The following ADAMTSL1 variants were observed in gnomAD, a reference collection of about 807,000 sequenced individuals.
The protein encoded by ADAMTSL1 is ADAMTS-like protein 1.
ADAMTSL1 carries 126 observed loss-of-function variants against 201.8 expected under a neutral mutation model. That is an observed-to-expected ratio of 0.62 (90% CI 0.54 to 0.72). ADAMTSL1 has a LOEUF of 0.72. ADAMTSL1 is among the 30% of genes least tolerant of loss of function. ADAMTSL1 has a pLI of 0.00. For synonymous variants in ADAMTSL1, 1,121 were observed against 903.4 expected (o/e 1.24, Z -4.32); for missense variants, 2,679 against 2,277.8 (o/e 1.18, Z -3.59).
At chr9:18,097,601 C>T (rs1824310387) in intron 1 of ADAMTSL1, among the ~76,000 whole-genome samples, 1 of 152,190 alleles carries the variant, frequency 6.6e-6, no homozygotes, top group Admixed American at 6.5e-5. Context: ...TTCCAATTTT[C>T]ATCAATCTAA....
At chr9:18,475,368 A>T (rs376145268) in intron 1 of ADAMTSL1, among the ~76,000 whole-genome samples, 2 of 152,170 alleles carry the variant, frequency 1.3e-5, no homozygotes, top group East Asian at 1.9e-4. Context: ...ATAATTTTGA[A>T]GTAGGGAAGA....
chr9:18,068,374 C>G (rs1360582822), intron 1 of ADAMTSL1, among the ~76,000 whole-genome samples: 1 of 152,128 alleles, frequency 6.6e-6, no homozygotes, highest in Non-Finnish European at 1.5e-5. Context: ...ATTTACATAG[C>G]ATTTACCTTG....
At chr9:18,296,981 G>A (rs969944435) in intron 2 of ADAMTSL1, among the ~76,000 whole-genome samples, 1 of 152,110 alleles carries the variant, frequency 6.6e-6, no homozygotes, top group Non-Finnish European at 1.5e-5. Context: ...AACTGCCACT[G>A]GCCACCACCA....
At chr9:18,071,680 G>A (rs1822976026) in intron 1 of ADAMTSL1, among the ~76,000 whole-genome samples, 1 of 152,186 alleles carries the variant, frequency 6.6e-6, no homozygotes, top group Admixed American at 6.5e-5. Flanking sequence ...GGAAGGGAGT[G>A]TGTCCTCTAT....
intron 8 of ADAMTSL1, 58 bp downstream of exon 8, chr9:18,657,808 T>C: frequency 7.2e-7 from 1 of 1,392,500 alleles, no homozygotes; most frequent in Non-Finnish European, 1.0e-6. Context: ...TACTTGGGTA[T>C]TATAAGAGTA....
intron 2 of ADAMTSL1, among the ~76,000 whole-genome samples, chr9:18,246,645 C>A (rs1831267369): frequency 6.6e-6 from 1 of 152,084 alleles, no homozygotes; most frequent in Non-Finnish European, 1.5e-5. Flanking sequence ...ATAAATGATT[C>A]AGAAAAATTA....
intron 23 of ADAMTSL1, among the ~76,000 whole-genome samples, chr9:18,882,012 G>A (rs1354899923): frequency 6.6e-6 from 1 of 152,156 alleles, no homozygotes; most frequent in Non-Finnish European, 1.5e-5. Context: ...GAGGAGGGAG[G>A]AATTTGGATG....
intron 2 of ADAMTSL1, among the ~76,000 whole-genome samples, chr9:18,244,113 G>A (rs201157126): frequency 5.4e-5 from 2 of 37,356 alleles, no homozygotes; most frequent in South Asian, 1.2e-3. Context: ...GTGTGTGTAC[G>A]TGTGTGTGTG....
chr9:17,924,108 C>T (rs1014890341), intron 1 of ADAMTSL1, among the ~76,000 whole-genome samples: 10 of 146,796 alleles, frequency 6.8e-5, no homozygotes, highest in East Asian at 6.0e-4. Context: ...TGTCTCTGCC[C>T]GGCTTTGGTA....
intron 1 of ADAMTSL1, among the ~76,000 whole-genome samples, chr9:18,014,283 T>G (rs1413189337): frequency 6.6e-6 from 1 of 152,020 alleles, no homozygotes; most frequent in Non-Finnish European, 1.5e-5. Context: ...CAGAACCTGA[T>G]ATGCAACATC....
At position 18,387,766 on chromosome 9, in the gene ADAMTSL1, G is replaced by A. The variant is rs62550299; in HGVS notation, c.208-117063G>A. 3.1e-3 allele frequency among the ~76,000 whole-genome samples: 468 copies of A among 152,108 alleles called. 1 individual carries two copies. The highest frequency in any genetic ancestry group is 0.017 in the Middle Eastern group (5 of 294). On this transcript the variant is annotated intron_variant, in intron 2 of 29. Coordinates refer to the ADAMTSL1 transcript ENST00000680146. ...GGCCATTTATTGTAACTGTAGGCTTGAAAAAGTATTCACACTCTAGAAGTT... is the reference window on the plus strand; with the variant it reads ...GGCCATTTATTGTAACTGTAGGCTTAAAAAAGTATTCACACTCTAGAAGTT...
intron 2 of ADAMTSL1, among the ~76,000 whole-genome samples, chr9:18,292,268 G>C (rs1304248207): frequency 6.6e-6 from 1 of 152,102 alleles, no homozygotes; most frequent in Non-Finnish European, 1.5e-5. Flanking sequence ...GGCCAAGCAG[G>C]AGAGGTGAAC....
At chr9:18,904,316 A>C (rs1182283786) in intron 26 of ADAMTSL1, among the ~76,000 whole-genome samples, 2 of 152,034 alleles carry the variant, frequency 1.3e-5, no homozygotes. Flanking sequence ...TAAAAATATA[A>C]AAATTAGCCG....
chr9:17,914,980 C>CT (rs927999100), intron 1 of ADAMTSL1, among the ~76,000 whole-genome samples: 2 of 151,882 alleles, frequency 1.3e-5, no homozygotes, highest in African/African-American at 2.4e-5. Context: ...TATTTATTTT[C>CT]TTTTTTTACC....
At chr9:18,781,077 C>T (rs553601583) in intron 19 of ADAMTSL1, among the ~76,000 whole-genome samples, 1 of 152,218 alleles carries the variant, frequency 6.6e-6, no homozygotes, top group African/African-American at 2.4e-5. Context: ...TTAATTTTTA[C>T]CTTAATGGGC....
intron 1 of ADAMTSL1, among the ~76,000 whole-genome samples, chr9:18,089,714 A>G (rs1563993720): frequency 6.6e-6 from 1 of 152,208 alleles, no homozygotes; most frequent in Non-Finnish European, 1.5e-5. Flanking sequence ...AGTCAAACTC[A>G]TAGAAGCAGA....
intron 2 of ADAMTSL1, among the ~76,000 whole-genome samples, chr9:18,193,337 C>A (rs1343916604): frequency 1.3e-5 from 2 of 152,050 alleles, no homozygotes; most frequent in Non-Finnish European, 1.5e-5. Flanking sequence ...ATGTTTATGG[C>A]AGCCACAGTG....
chr9:18,509,821 T>C (rs1817925612), intron 2 of ADAMTSL1, among the ~76,000 whole-genome samples: 1 of 152,160 alleles, frequency 6.6e-6, no homozygotes, highest in South Asian at 2.1e-4. Flanking sequence ...GGGTGAAAAA[T>C]TGGGACTATT....
At chr9:17,999,349 T>A (rs528898770) in intron 1 of ADAMTSL1, among the ~76,000 whole-genome samples, 3 of 152,130 alleles carry the variant, frequency 2.0e-5, no homozygotes, top group African/African-American at 7.2e-5. Context: ...CTCTGTAGGA[T>A]CTAGTAAGTT....
Sources: gnomAD v4.1 joint callset for allele counts (sites outside exome capture counted in the v4.1 genomes callset) on GRCh38, gnomAD v4.1.1 for gene constraint, MANE v1.5 for transcripts, NCBI Gene and HGNC (gene_info 2026-07-23, HGNC 2026-07-21) for gene names.